SLMAP: variants seen among roughly 807,000 people sequenced by gnomAD.
The protein encoded by SLMAP is sarcolemmal membrane-associated protein.
In SLMAP, 44 loss-of-function variants were observed where a neutral mutation model predicts 128.8. The observed-to-expected ratio is 0.34, with a 90% CI of 0.27 to 0.44. The LOEUF (loss-of-function observed/expected upper bound fraction) is 0.44. SLMAP is among the 20% of genes least tolerant of loss of function. The pLI is 1.00. For synonymous variants in SLMAP, 327 were observed against 348.8 expected (o/e 0.94, Z 0.70); for missense variants, 787 against 985.3 (o/e 0.80, Z 2.69).
In SLMAP at chr3:57,901,298, C is replaced by G. The variant is rs74612663; in HGVS notation, c.1501+4366C>G. ...CCACAGGGAGACTTACTCCCTCCCC[C>G]ATTTACCACACAGAGAGTTATAGAT... On this transcript the variant is annotated intron_variant, in intron 17 of 24. Transcript: ENST00000671191. The G allele has an allele frequency of 9.2e-5, 14 of 152,364 alleles. No homozygotes were observed. The East Asian group carries it at 2.7e-3, about 29-fold the overall frequency. 9.4% of individuals were successfully genotyped at this position (152,364 alleles called of 1,614,324 possible).
Position 57,861,930 on chromosome 3 carries a change from CT to C in SLMAP, c.829-18del. The C allele has an allele frequency of 6.2e-7, 1 of 1,601,358 alleles. No homozygotes were observed. The highest frequency in any genetic ancestry group is 8.5e-7 in the Non-Finnish European group (1 of 1,170,690). ...TATACACTTATTCTAATTAAATTGCCTGTAAACTTGAATCGCAGCGAAGTCT... is the reference window on the plus strand; with the variant it reads ...TATACACTTATTCTAATTAAATTGCCGTAAACTTGAATCGCAGCGAAGTCT... On this transcript the variant is annotated intron_variant, in intron 9 of 24. Coordinates refer to ENST00000671191, the MANE Select transcript of SLMAP (RefSeq NM_001377540.1).
Position 57,834,879 on chromosome 3 carries a change from T to C in SLMAP, c.346+3349T>C, listed in dbSNP as rs540136445. Among the ~76,000 whole-genome samples, 22 of 152,184 alleles carry C rather than the reference T, an allele frequency of 1.4e-4. 1 individual carries two copies. The South Asian group carries it at 4.6e-3, about 32-fold the overall frequency. On this transcript the variant is annotated intron_variant, in intron 3 of 24. Transcript: ENST00000671191. ...GCTCATGCCTGTAATCCTAGCACTTTGGGAGTCTGAGGCAGGTGGATTGCT... is the reference window on the plus strand; with the variant it reads ...GCTCATGCCTGTAATCCTAGCACTTCGGGAGTCTGAGGCAGGTGGATTGCT...
intron 2 of SLMAP, among the ~76,000 whole-genome samples, chr3:57,792,173 T>C (rs1384950749): frequency 6.6e-6 from 1 of 151,148 alleles, no homozygotes; most frequent in Non-Finnish European, 1.5e-5. Flanking sequence ...TTAGTGATAT[T>C]TTTATATGAA....
intron 2 of SLMAP, among the ~76,000 whole-genome samples, chr3:57,758,860 T>A (rs2078079592): frequency 6.6e-6 from 1 of 152,248 alleles, no homozygotes; most frequent in Non-Finnish European, 1.5e-5. Context: ...CTGAATCAGT[T>A]CCAACTTTAA....
chr3:57,847,021 A>G (rs571366173), intron 4 of SLMAP, among the ~76,000 whole-genome samples, 176 bp from the exon 5 acceptor site: 2 of 152,252 alleles, frequency 1.3e-5, no homozygotes, highest in Non-Finnish European at 2.9e-5. Context: ...AGGTTTACAT[A>G]TTTTTGTTTT....
At chr3:57,901,468 T>C (rs867383797) in intron 17 of SLMAP, 8 of 152,316 alleles carry the variant, frequency 5.3e-5, no homozygotes, top group African/African-American at 1.9e-4. Context: ...GAAATGACTC[T>C]ATAAATAGTG....
At chr3:57,784,191 C>T in intron 2 of SLMAP, among the ~76,000 whole-genome samples, 1 of 152,122 alleles carries the variant, frequency 6.6e-6, no homozygotes, top group African/African-American at 2.4e-5. Flanking sequence ...CCCAAGACCA[C>T]AGAACTATAG....
chr3:57,768,980 GAT>G (rs984759994), intron 2 of SLMAP, among the ~76,000 whole-genome samples: 70 of 152,124 alleles, frequency 4.6e-4, no homozygotes, highest in African/African-American at 1.6e-3. Flanking sequence ...AATTCCATTA[GAT>G]AAATCTCTCT....
At chr3:57,885,587 A>T (rs1311153476) in intron 14 of SLMAP, among the ~76,000 whole-genome samples, 1 of 145,046 alleles carries the variant, frequency 6.9e-6, no homozygotes, top group Admixed American at 7.0e-5. Context: ...GACTGGCTAA[A>T]TTTGTGTTTT....
chr3:57,842,466 C>G (rs916075043), intron 4 of SLMAP, among the ~76,000 whole-genome samples: 1 of 151,930 alleles, frequency 6.6e-6, no homozygotes, highest in Non-Finnish European at 1.5e-5. Context: ...TTTAATATAA[C>G]TTAGCTTTTA....
At chr3:57,784,783 C>G (rs910596524) in intron 2 of SLMAP, among the ~76,000 whole-genome samples, 4 of 152,152 alleles carry the variant, frequency 2.6e-5, no homozygotes, top group African/African-American at 9.7e-5. Context: ...CCCAATGCAA[C>G]AGCATTGGGA....
At chr3:57,906,008 G>C (rs1033117325) in intron 17 of SLMAP, among the ~76,000 whole-genome samples, 1 of 140,346 alleles carries the variant, frequency 7.1e-6, no homozygotes, top group African/African-American at 2.6e-5. Context: ...CCACTTGAAT[G>C]TAAGATGCAA....
intron 20 of SLMAP, 45 bp from the exon 21 acceptor site, chr3:57,913,113 A>G (rs1340144999): frequency 2.2e-6 from 2 of 908,138 alleles, no homozygotes; most frequent in Middle Eastern, 2.2e-4. Context: ...AGTATTATGG[A>G]AGTTATATTT....
At chr3:57,813,975 T>C (rs913716362) in intron 2 of SLMAP, among the ~76,000 whole-genome samples, 2 of 152,038 alleles carry the variant, frequency 1.3e-5, no homozygotes, top group Non-Finnish European at 1.5e-5. Context: ...TTTTTTTTAA[T>C]GGAAATTTCA....
chr3:57,893,619 T>C (rs948023551), intron 15 of SLMAP, among the ~76,000 whole-genome samples: 3 of 152,186 alleles, frequency 2.0e-5, no homozygotes, highest in African/African-American at 7.2e-5. Flanking sequence ...ACTTCCTATT[T>C]ACCTAATATT....
At chr3:57,842,772 T>C (rs957995207) in intron 4 of SLMAP, among the ~76,000 whole-genome samples, 6 of 152,238 alleles carry the variant, frequency 3.9e-5, no homozygotes, top group African/African-American at 1.4e-4. Context: ...TGGTTAAATA[T>C]TAGTATCACT....
intron 13 of SLMAP, among the ~76,000 whole-genome samples, chr3:57,870,307 G>C (rs534230158): frequency 6.6e-6 from 1 of 152,040 alleles, no homozygotes; most frequent in African/African-American, 2.4e-5. Context: ...GAGGGCTCCC[G>C]TTTTGCTTTT....
At chr3:57,905,559 G>A (rs2096512715) in intron 17 of SLMAP, among the ~76,000 whole-genome samples, 1 of 152,128 alleles carries the variant, frequency 6.6e-6, no homozygotes, top group African/African-American at 2.4e-5. Flanking sequence ...GGTATTACAG[G>A]TGTGAGCCAC....
intron 2 of SLMAP, 90 bp downstream of exon 2, chr3:57,757,939 C>T (rs190437833): frequency 4.4e-6 from 5 of 1,129,848 alleles, no homozygotes; most frequent in African/African-American, 3.1e-5. Context: ...TGCAGGATCC[C>T]AGGGTTTGCA....
Sources: gnomAD v4.1 joint callset for allele counts (sites outside exome capture counted in the v4.1 genomes callset) on GRCh38, gnomAD v4.1.1 for gene constraint, MANE v1.5 for transcripts, NCBI Gene and HGNC (gene_info 2026-07-23, HGNC 2026-07-21) for gene names.